Variants in CNTNAP2 observed in about 807,000 individuals in gnomAD.
CNTNAP2 encodes the protein contactin associated protein 2, also known as contactin-associated protein-like 2.
A neutral mutation model predicts 155.2 loss-of-function variants in CNTNAP2; 98 were observed. The observed-to-expected ratio is 0.63, with a 90% CI of 0.54 to 0.75. CNTNAP2 has a LOEUF of 0.75. Among genes scored for constraint, CNTNAP2 ranks in the 30% least tolerant of loss-of-function variants. The pLI is 0.00. For missense variants in CNTNAP2, 1,727 were observed against 1,688.1 expected (o/e 1.02, Z -0.40); for synonymous variants, 651 against 631.2 (o/e 1.03, Z -0.47).
intron 13 of CNTNAP2, among the ~76,000 whole-genome samples, chr7:147,742,655 A>G (rs1796973849): frequency 6.6e-6 from 1 of 152,194 alleles, no homozygotes; most frequent in Admixed American, 6.5e-5. Flanking sequence ...GTAGAGTAGG[A>G]TTCTGGATAT....
At chr7:147,703,682 G>T (rs1367011596) in intron 13 of CNTNAP2, among the ~76,000 whole-genome samples, 1 of 152,088 alleles carries the variant, frequency 6.6e-6, no homozygotes, top group Non-Finnish European at 1.5e-5. Context: ...CTGTCATCTG[G>T]AGTATACATC....
At chr7:146,537,490 G>A (rs944582218) in intron 1 of CNTNAP2, among the ~76,000 whole-genome samples, 1 of 152,028 alleles carries the variant, frequency 6.6e-6, no homozygotes, top group African/African-American at 2.4e-5. Flanking sequence ...CATCATGCGA[G>A]TCACAGTCTA....
intron 3 of CNTNAP2, among the ~76,000 whole-genome samples, chr7:146,890,941 G>T (rs1371014709): frequency 6.6e-6 from 1 of 152,164 alleles, no homozygotes; most frequent in African/African-American, 2.4e-5. Flanking sequence ...ATGAACTGGT[G>T]TGCTTATCAC....
intron 1 of CNTNAP2, among the ~76,000 whole-genome samples, chr7:146,161,397 G>A (rs1192051428): frequency 1.3e-5 from 2 of 152,166 alleles, no homozygotes; most frequent in Admixed American, 1.3e-4. Flanking sequence ...ATTAGGAAAA[G>A]AGGAAGTCAA....
Position 146,842,650 on chromosome 7 carries a change from C to T in CNTNAP2, c.402+2746C>T, listed in dbSNP as rs571223516. ...GGGGAGGCAGGCATGTCTTACATGC[C>T]GGGAGCAGGAGGAAGAAAGAGACGG... On this transcript the variant is annotated intron_variant, in intron 3 of 23. Transcript: ENST00000361727. Among the ~76,000 whole-genome samples, 380 of 152,016 alleles carry T rather than the reference C, an allele frequency of 2.5e-3. 2 individuals carry two copies. Among genetic ancestry groups the T allele is most frequent in the African/African-American group, 8.3e-3 (343 of 41,426 alleles).
chr7:148,258,590 G>A (rs1182895713), intron 20 of CNTNAP2, among the ~76,000 whole-genome samples: 1 of 152,192 alleles, frequency 6.6e-6, no homozygotes, highest in Non-Finnish European at 1.5e-5. Flanking sequence ...TTTGAAGTCT[G>A]TGGGAATTTC....
rs369238772 is a variant in CNTNAP2 at position 146,674,903 on chromosome 7, C to A, written c.98-99368C>A. Among the ~76,000 whole-genome samples, 8 of 152,158 alleles carry A rather than the reference C, an allele frequency of 5.3e-5. No homozygotes were observed. The East Asian group carries it at 5.8e-4, about 11-fold the overall frequency. Reference sequence around the variant, plus strand: ...TCCCTGATATAAGAAAGTAGGACACCTTTACAGGTATAAGTTTCCTTTACA... The same window carrying A: ...TCCCTGATATAAGAAAGTAGGACACATTTACAGGTATAAGTTTCCTTTACA... On this transcript the variant is annotated intron_variant, in intron 1 of 23. Transcript: ENST00000361727.
intron 16 of CNTNAP2, among the ~76,000 whole-genome samples, chr7:148,125,696 T>C (rs1356120196): frequency 1.7e-4 from 25 of 145,298 alleles, no homozygotes; most frequent in African/African-American, 5.3e-4. Flanking sequence ...TGTGTATATA[T>C]ATATAGTTTT....
chr7:147,071,628 A>C (rs756538207), intron 4 of CNTNAP2, among the ~76,000 whole-genome samples: 20 of 152,336 alleles, frequency 1.3e-4, no homozygotes, highest in Admixed American at 3.9e-4. Context: ...CCCTGGCCAC[A>C]TATGAGAAAG....
At chr7:146,884,075 A>G (rs1490231080) in intron 3 of CNTNAP2, among the ~76,000 whole-genome samples, 1 of 152,078 alleles carries the variant, frequency 6.6e-6, no homozygotes, top group East Asian at 1.9e-4. Flanking sequence ...AAACTCCGTA[A>G]TATAATTGTC....
intron 1 of CNTNAP2, among the ~76,000 whole-genome samples, chr7:146,411,932 G>A (rs1336678015): frequency 1.3e-5 from 2 of 151,760 alleles, no homozygotes; most frequent in Non-Finnish European, 2.9e-5. Context: ...CGCCTCCCTG[G>A]TTCAAGTGAT....
At chr7:147,494,271 G>C (rs765557350) in intron 11 of CNTNAP2, among the ~76,000 whole-genome samples, 1 of 152,062 alleles carries the variant, frequency 6.6e-6, no homozygotes, top group Non-Finnish European at 1.5e-5. Context: ...AATTACACTG[G>C]ATTAAAATAG....
chr7:147,498,029 A>G (rs1049322524), intron 11 of CNTNAP2, among the ~76,000 whole-genome samples: 1 of 152,128 alleles, frequency 6.6e-6, no homozygotes, highest in African/African-American at 2.4e-5. Context: ...TCCAGGAGAG[A>G]AGTACTGGGA....
chr7:146,687,438 G>T (rs577407946), intron 1 of CNTNAP2, among the ~76,000 whole-genome samples: 23 of 152,190 alleles, frequency 1.5e-4, no homozygotes, highest in African/African-American at 5.3e-4. Flanking sequence ...AGCACGTAAC[G>T]GATATTAGCT....
intron 8 of CNTNAP2, among the ~76,000 whole-genome samples, chr7:147,244,211 C>A (rs1258717977): frequency 1.3e-5 from 2 of 152,182 alleles, no homozygotes; most frequent in African/African-American, 4.8e-5. Context: ...CTGATACACA[C>A]AGGAACCCAA....
intron 11 of CNTNAP2, chr7:147,497,127 A>G (rs1798724113): frequency 6.6e-6 from 1 of 152,222 alleles, no homozygotes; most frequent in African/African-American, 2.4e-5. Flanking sequence ...GCTGATTTGG[A>G]AATCTTTAGA....
intron 1 of CNTNAP2, among the ~76,000 whole-genome samples, chr7:146,428,104 G>T (rs149870792): frequency 4.9e-4 from 75 of 152,216 alleles, no homozygotes; most frequent in Non-Finnish European, 9.6e-4. Context: ...AGTATTCCAT[G>T]GCATATATAC....
At chr7:146,131,838 G>A (rs1405303768) in intron 1 of CNTNAP2, among the ~76,000 whole-genome samples, 1 of 152,104 alleles carries the variant, frequency 6.6e-6, no homozygotes, top group Non-Finnish European at 1.5e-5. Context: ...TATGAGCGCG[G>A]TTTCCCCCAT....
In CNTNAP2 at chr7:148,395,122, C is replaced by G. The variant is rs183138897; in HGVS notation, c.3715+11234C>G. ...TTTATATTGAATGTTTCTGTTGACC[C>G]CCCCCCCTTATTGATTAGATTATGT... On this transcript the variant is annotated intron_variant, in intron 22 of 23. Transcript: ENST00000361727. Among the ~76,000 whole-genome samples the G allele has an allele frequency of 3.7e-4, 54 of 145,188 alleles. No individual in the cohort carries two copies. The East Asian group carries it at 8.6e-3, about 23-fold the overall frequency.
Sources: gnomAD v4.1 joint callset for allele counts (sites outside exome capture counted in the v4.1 genomes callset) on GRCh38, gnomAD v4.1.1 for gene constraint, MANE v1.5 for transcripts, NCBI Gene and HGNC (gene_info 2026-07-23, HGNC 2026-07-21) for gene names.